The following GALNT17 variants were observed in gnomAD, a reference collection of about 807,000 sequenced individuals.
GALNT17 encodes the protein UDP-GalNAc:polypeptide N-acetylgalactosaminyltransferase-like 3.
GALNT17 carries 29 observed loss-of-function variants against 63.7 expected under a neutral mutation model. The observed-to-expected ratio is 0.46, with a 90% CI of 0.34 to 0.62. The LOEUF (loss-of-function observed/expected upper bound fraction) is 0.62. Among genes scored for constraint, GALNT17 ranks in the 20% least tolerant of loss-of-function variants. GALNT17 has a pLI of 0.01. For synonymous variants in GALNT17, 305 were observed against 318.3 expected (o/e 0.96, Z 0.45); for missense variants, 603 against 799.6 (o/e 0.75, Z 2.97).
chr7:71,471,216 A>G lies in GALNT17; in HGVS notation c.962+50111A>G, dbSNP rs551286553. Among the ~76,000 whole-genome samples the G allele has an allele frequency of 5.9e-5, 9 of 152,082 alleles. No individual in the cohort carries two copies. The Middle Eastern group carries it at 0.01, about 172-fold the overall frequency. On this transcript the variant is annotated intron_variant, in intron 5 of 10. Coordinates refer to ENST00000333538, the MANE Select transcript of GALNT17 (RefSeq NM_022479.3). ...CTCAGCCTCCCAAGTAGCTGGGACT[A>G]CAGACAGGTGCCACCATATCCAGCT...
chr7:71,160,384 A>G (rs1486923859), intron 1 of GALNT17, among the ~76,000 whole-genome samples: 4 of 152,190 alleles, frequency 2.6e-5, no homozygotes, highest in Admixed American at 2.6e-4. Flanking sequence ...ATTTTGCCAT[A>G]AGTCACATTC....
At chr7:71,298,228 C>A (rs1415247266) in intron 1 of GALNT17, among the ~76,000 whole-genome samples, 4 of 151,746 alleles carry the variant, frequency 2.6e-5, no homozygotes, top group African/African-American at 9.7e-5. Context: ...TCATGTTGGC[C>A]AAGCTGGTCT....
intron 9 of GALNT17, among the ~76,000 whole-genome samples, chr7:71,691,850 AATCTT>A (rs1791447576): frequency 6.7e-6 from 1 of 149,096 alleles, no homozygotes; most frequent in African/African-American, 2.5e-5. Context: ...CTCTTTTTTT[AATCTT>A]TTCTTTCTTT....
intron 1 of GALNT17, among the ~76,000 whole-genome samples, chr7:71,243,400 A>G (rs1790035187): frequency 6.6e-6 from 1 of 152,040 alleles, no homozygotes; most frequent in Non-Finnish European, 1.5e-5. Context: ...TAATACATCT[A>G]CTCTTCAATG....
chr7:71,471,482 A>G (rs117794313), intron 5 of GALNT17, among the ~76,000 whole-genome samples: 2,944 of 152,048 alleles, frequency 0.019, 40 homozygotes, highest in African/African-American at 0.029. Flanking sequence ...TCTATAGGCA[A>G]TTAATGCAAG....
chr7:71,528,158 T>C (rs1248012517), intron 5 of GALNT17, among the ~76,000 whole-genome samples: 2 of 152,202 alleles, frequency 1.3e-5, no homozygotes, highest in Non-Finnish European at 2.9e-5. Flanking sequence ...GTTTTGTTAC[T>C]ATCTAAAAAG....
intron 2 of GALNT17, among the ~76,000 whole-genome samples, chr7:71,339,813 A>G (rs551625017): frequency 5.9e-5 from 9 of 152,294 alleles, no homozygotes; most frequent in South Asian, 2.1e-4. Flanking sequence ...CCATGGCCCA[A>G]TATTGCCGTG....
At chr7:71,356,344 C>T (rs561243557) in intron 2 of GALNT17, among the ~76,000 whole-genome samples, 4 of 152,200 alleles carry the variant, frequency 2.6e-5, no homozygotes, top group South Asian at 2.1e-4. Flanking sequence ...AGTACGGTGC[C>T]TTTGTCTGTG....
chr7:71,490,968 C>T (rs747862762), intron 5 of GALNT17, among the ~76,000 whole-genome samples: 20 of 151,998 alleles, frequency 1.3e-4, no homozygotes, highest in Admixed American at 9.2e-4. Context: ...CCGAGGCAGG[C>T]GGATCACCTG....
intron 1 of GALNT17, among the ~76,000 whole-genome samples, chr7:71,225,590 C>G (rs1283141787): frequency 6.6e-6 from 1 of 152,208 alleles, no homozygotes; most frequent in African/African-American, 2.4e-5. Context: ...CGTACTGTAT[C>G]TAAGAAACTT....
At chr7:71,616,165 G>T (rs1790198993) in intron 6 of GALNT17, among the ~76,000 whole-genome samples, 1 of 152,242 alleles carries the variant, frequency 6.6e-6, no homozygotes, top group South Asian at 2.1e-4. Context: ...ATCAGAATGC[G>T]CCTGGCAGGT....
intron 6 of GALNT17, among the ~76,000 whole-genome samples, chr7:71,582,090 T>C (rs993120821): frequency 6.6e-6 from 1 of 152,078 alleles, no homozygotes; most frequent in African/African-American, 2.4e-5. Flanking sequence ...TGAAAAACAG[T>C]ATGGAGATTC....
chr7:71,539,268 C>T (rs930675913), intron 5 of GALNT17, among the ~76,000 whole-genome samples: 1 of 152,136 alleles, frequency 6.6e-6, no homozygotes, highest in African/African-American at 2.4e-5. Flanking sequence ...CCTTCATGCT[C>T]TCTCTGGGCG....
intron 5 of GALNT17, among the ~76,000 whole-genome samples, chr7:71,561,752 AC>A (rs1333798992): frequency 1.3e-5 from 2 of 152,060 alleles, no homozygotes; most frequent in African/African-American, 4.8e-5. Flanking sequence ...GTAAGACATG[AC>A]ACCACCAGGA....
intron 1 of GALNT17, among the ~76,000 whole-genome samples, chr7:71,279,730 A>T (rs1790746481): frequency 6.6e-6 from 1 of 150,840 alleles, no homozygotes; most frequent in South Asian, 2.1e-4. Flanking sequence ...TTGAGCATGG[A>T]GGGTCTTTGA....
intron 6 of GALNT17, among the ~76,000 whole-genome samples, chr7:71,576,566 T>TGTGTTTTG (rs1554311353): frequency 1.3e-5 from 2 of 150,056 alleles, no homozygotes; most frequent in African/African-American, 2.5e-5. Context: ...TGTGTGTGTG[T>TGTGTTTTG]TTTGTTTGTT....
At chr7:71,329,178 G>A (rs754370255) in intron 1 of GALNT17, among the ~76,000 whole-genome samples, 10 of 152,118 alleles carry the variant, frequency 6.6e-5, no homozygotes, top group Non-Finnish European at 1.3e-4. Context: ...TTAAGTCAAA[G>A]GTCAGGAATT....
chr7:71,606,538 A>G (rs1584085833), intron 6 of GALNT17, among the ~76,000 whole-genome samples: 1 of 152,232 alleles, frequency 6.6e-6, no homozygotes, highest in South Asian at 2.1e-4. Context: ...GCACACTTCC[A>G]TCTTCACATA....
chr7:71,270,707 G>T (rs1790571704), intron 1 of GALNT17, among the ~76,000 whole-genome samples: 1 of 151,978 alleles, frequency 6.6e-6, no homozygotes, highest in Non-Finnish European at 1.5e-5. Flanking sequence ...ATTTGTTTGA[G>T]GTGGTGGATG....
Sources: gnomAD v4.1 joint callset for allele counts (sites outside exome capture counted in the v4.1 genomes callset) on GRCh38, gnomAD v4.1.1 for gene constraint, MANE v1.5 for transcripts, NCBI Gene and HGNC (gene_info 2026-07-23, HGNC 2026-07-21) for gene names.